The following ASGR1 variants were observed in gnomAD, a reference collection of about 807,000 sequenced individuals.
ASGR1 encodes the protein asialoglycoprotein receptor 1.
Under a neutral mutation model 33.1 loss-of-function variants are expected in ASGR1, and 35 were observed. That is an observed-to-expected ratio of 1.06 (90% CI 0.81 to 1.40). The LOEUF is 1.40. Ranked by LOEUF, ASGR1 falls within the 40% of genes most tolerant of loss-of-function variation. The pLI is 0.00. For synonymous variants in ASGR1, 142 were observed against 152.5 expected, an observed-to-expected ratio of 0.93 and a Z score of 0.51; for missense variants, 396 against 373.7, an observed-to-expected ratio of 1.06 and a Z score of -0.49.
intron 5 of ASGR1, among the ~76,000 whole-genome samples, chr17:7,174,999 C>T (rs906219358): frequency 2.7e-5 from 4 of 149,336 alleles, no homozygotes; most frequent in Admixed American, 6.7e-5. Flanking sequence ...ACACAACACA[C>T]CCTAACTCAC....
chr17:7,174,612 TACACAC>T lies in ASGR1; in HGVS notation c.356-158_356-153del, dbSNP rs146843548. The T allele has an allele frequency of 4.1e-4, 256 of 624,510 alleles. 2 individuals are homozygous for T. The highest frequency in any genetic ancestry group is 5.5e-4 in the Non-Finnish European group (193 of 349,640). The allele number at this position is 624,510 out of a possible 1,614,324, so 38.7% of individuals were successfully genotyped here. ...GCGGAGTTGGCCTGAGAGACCCCCATACACACACACACACACACTCCTACACACACA... is the reference window on the plus strand; with the variant it reads ...GCGGAGTTGGCCTGAGAGACCCCCATACACACACACACTCCTACACACACA... On this transcript the variant is annotated intron_variant, in intron 5 of 8. Coordinates refer to ENST00000269299, the MANE Select transcript of ASGR1 (RefSeq NM_001671.5).
intron 5 of ASGR1, among the ~76,000 whole-genome samples, chr17:7,174,857 C>T (rs540975142): frequency 1.3e-5 from 2 of 150,638 alleles, no homozygotes; most frequent in Non-Finnish European, 3.0e-5. Flanking sequence ...ACATCCACAA[C>T]ACACACAACA....
chr17:7,174,017 G>A lies in ASGR1; in HGVS notation c.645C>T (p.His215=). 6.2e-7 allele frequency: 1 copy of A among 1,614,230 alleles called. No individual in the cohort carries two copies. The highest frequency in any genetic ancestry group is 2.2e-5 in the East Asian group (1 of 44,886). Residue 215 remains histidine, a synonymous_variant, in exon 8 of 9, where the codon CAC becomes CAT. Coordinates refer to ENST00000269299, the MANE Select transcript of ASGR1 (RefSeq NM_001671.5). ...IGPVNTWMGL[H]DQNGPWKWVD... The stretch of plus-strand genomic sequence containing the variant: ...CCCACTTCCAGGGCCCGTTTTGGTC[G>A]TGGAGGCCCATCCAGGTGTTCACAG...
rs969012014 is a variant in ASGR1, at chr17:7,173,543, C to G, written c.*116G>C. 7 of 1,401,782 alleles carry G rather than the reference C, an allele frequency of 5.0e-6. No homozygotes were observed. The highest frequency in any genetic ancestry group is 6.8e-6 in the Non-Finnish European group (7 of 1,030,074). The allele number at this position is 1,401,782 out of a possible 1,614,324, so 86.8% of individuals were successfully genotyped here. ...CTCACCTTCGGAACATCACCCTATC[C>G]TTCCCCTTCCCTTAAAATCCTAGAT... On this transcript the variant is annotated 3_prime_UTR_variant, in exon 9 of 9. Coordinates refer to ENST00000269299, the MANE Select transcript of ASGR1 (RefSeq NM_001671.5). The surrounding 1 kb of genome is among the most constrained non-coding windows in gnomAD (Gnocchi z 4.7).
At chr17:7,176,511 A>C in intron 5 of ASGR1, 1 of 454,612 alleles carries the variant, frequency 2.2e-6, no homozygotes. Flanking sequence ...ACTCAGACAC[A>C]CACCCCCTCT....
intron 1 of ASGR1, chr17:7,178,819 C>A (rs1362069836): frequency 1.2e-5 from 4 of 340,814 alleles, no homozygotes; most frequent in Non-Finnish European, 2.1e-5. Context: ...TTACTGCAAC[C>A]TCTGCCTCCC....
chr17:7,174,402 G>C lies in ASGR1; in HGVS notation c.414C>G (p.Ser138Arg), dbSNP rs754661919. 95 of 1,613,954 alleles carry C rather than the reference G, an allele frequency of 5.9e-5. No individual in the cohort carries two copies. Among genetic ancestry groups the C allele is most frequent in the Non-Finnish European group, 8.0e-5 (94 of 1,179,948 alleles). Residue 138 changes from serine (S) to arginine (R), a missense_variant, in exon 6 of 9, where the codon AGC (serine) becomes AGG (arginine). Ser to Arg is a moderately radical substitution (Grantham distance 110). Coordinates refer to ENST00000269299, the MANE Select transcript of ASGR1 (RefSeq NM_001671.5). ...TGCCCTGGAGCGCCGCCATCTGACA[G>C]CTCAGGCTCCGCAGGTCAGACACGA... ...KQFVSDLRSL[S>R]CQMAALQGNG... is the part of the protein sequence containing the mutation.
chr17:7,175,454 CCACA>C (rs1024174669), intron 5 of ASGR1, among the ~76,000 whole-genome samples: 2 of 149,392 alleles, frequency 1.3e-5, no homozygotes, highest in South Asian at 4.3e-4. Context: ...CAACGCACAC[CCACA>C]CATACAACAC....
Position 7,174,189 on chromosome 17 carries a change from G to A in ASGR1, c.543C>T (p.Tyr181=). 6.2e-7 allele frequency: 1 copy of A among 1,614,210 alleles called. No homozygotes were observed. The highest frequency in any genetic ancestry group is 2.2e-5 in the East Asian group (1 of 44,888). Residue 181 remains tyrosine, a synonymous_variant, in exon 7 of 9, where the codon TAC becomes TAT. Transcript: ENST00000269299. The part of the protein sequence containing the change: ...SGKAWADADN[Y]CRLEDAHLVV... ...CCAGGTGCGCGTCCTCCAGCCGGCAGTAGTTGTCGGCGTCAGCCCAGGCCT... is the reference window on the plus strand; with the variant it reads ...CCAGGTGCGCGTCCTCCAGCCGGCAATAGTTGTCGGCGTCAGCCCAGGCCT...
chr17:7,174,512 G>T (rs771006974), intron 5 of ASGR1, 52 bp from the exon 6 acceptor site: 1 of 1,553,040 alleles, frequency 6.4e-7, no homozygotes, highest in Non-Finnish European at 8.8e-7. Context: ...ACCACGGGGA[G>T]GGAAACGGGA....
chr17:7,176,567 TTCTC>T (rs1464969297), intron 5 of ASGR1: 1 of 480,786 alleles, frequency 2.1e-6, no homozygotes, highest in Admixed American at 3.7e-5. Context: ...ACACACCTCA[TTCTC>T]ACACACAGAC....
intron 5 of ASGR1, 67 bp downstream of exon 5, chr17:7,176,763 C>T (rs2069220154): frequency 1.9e-6 from 3 of 1,580,196 alleles, no homozygotes; most frequent in African/African-American, 1.4e-5. Flanking sequence ...CACACTTTCT[C>T]ACACACATCC....
intron 2 of ASGR1, 125 bp from the exon 3 acceptor site, chr17:7,177,451 A>T: frequency 1.4e-6 from 1 of 730,680 alleles, no homozygotes; most frequent in Non-Finnish European, 2.2e-6. Context: ...ACATGAAGAA[A>T]TGCGGGCGGT....
At chr17:7,175,689 A>G (rs1376704219) in intron 5 of ASGR1, among the ~76,000 whole-genome samples, 1 of 150,782 alleles carries the variant, frequency 6.6e-6, no homozygotes, top group Non-Finnish European at 1.5e-5. Flanking sequence ...ATTCGCACAC[A>G]CACCCACACT....
chr17:7,175,570 ACACT>A (rs754589521), intron 5 of ASGR1, among the ~76,000 whole-genome samples: 34 of 150,196 alleles, frequency 2.3e-4, no homozygotes, highest in South Asian at 2.1e-3. Flanking sequence ...GCACATACAC[ACACT>A]CACATGCACT....
In ASGR1 at chr17:7,173,739, C is replaced by A; in HGVS notation, c.796G>T (p.Asp266Tyr). 2 of 1,613,826 alleles carry A rather than the reference C, an allele frequency of 1.2e-6. No individual in the cohort carries two copies. The highest frequency in any genetic ancestry group is 1.7e-6 in the Non-Finnish European group (2 of 1,180,028). ...AHFTDDGRWN[D>Y]DVCQRPYRWV... is the part of the protein sequence containing the mutation. ...CGGTAGGGCCTCTGGCAGACGTCGT[C>A]GTTCCAGCGGCCGTCGTCGGTGAAG... The change falls in exon 9 of 9, where the codon GAC (aspartate) becomes TAC (tyrosine). Residue 266 changes from aspartate (D) to tyrosine (Y), a missense_variant. Transcript: ENST00000269299. This position sits in a 1 kb window ranked among gnomAD's most constrained non-coding sequence, Gnocchi z 4.7.
intron 1 of ASGR1, 24 bp from the exon 2 acceptor site, chr17:7,178,612 C>T (rs1335820870): frequency 6.4e-7 from 1 of 1,570,840 alleles, no homozygotes; most frequent in Admixed American, 1.7e-5. Context: ...GAGGCTGGGG[C>T]TGAGGTGGGG....
chr17:7,178,376 G>A, intron 2 of ASGR1, 118 bp downstream of exon 2: 18 of 1,069,858 alleles, frequency 1.7e-5, no homozygotes, highest in Non-Finnish European at 2.4e-5. Flanking sequence ...CCAGTGTTGG[G>A]GGAGGGAGAC....
At chr17:7,175,893 CAT>C (rs2069195522) in intron 5 of ASGR1, among the ~76,000 whole-genome samples, 1 of 145,740 alleles carries the variant, frequency 6.9e-6, no homozygotes, top group East Asian at 2.1e-4. Context: ...ACAGACACTC[CAT>C]CTCATTCTCA....
Sources: gnomAD v4.1 joint callset for allele counts (sites outside exome capture counted in the v4.1 genomes callset) on GRCh38, gnomAD v4.1.1 for gene constraint, Gnocchi (gnomAD v3.1) non-coding constraint, MANE v1.5 for transcripts, NCBI Gene and HGNC (gene_info 2026-07-23, HGNC 2026-07-21) for gene names.